Variants in ARFGAP1 observed in about 807,000 individuals in gnomAD.
ARFGAP1 encodes ADP-ribosylation factor GTPase-activating protein 1.
ARFGAP1 carries 26 observed loss-of-function variants against 54.0 expected under a neutral mutation model. The ratio of observed to expected loss-of-function variants is 0.48; its 90% CI spans 0.35 to 0.67. The LOEUF (loss-of-function observed/expected upper bound fraction) is 0.67. Ranked by LOEUF, ARFGAP1 falls within the 30% of genes least tolerant of loss-of-function variation. The pLI is 0.00. For missense variants in ARFGAP1, 525 were observed against 535.8 expected (o/e 0.98, Z 0.20); for synonymous variants, 248 against 211.9 (o/e 1.17, Z -1.48).
intron 9 of ARFGAP1, chr20:63,283,130 G>A (rs950777045): frequency 1.5e-5 from 8 of 519,886 alleles, no homozygotes; most frequent in African/African-American, 1.5e-4. Flanking sequence ...CACCTTGTTG[G>A]GAGCAGGACT....
At chr20:63,283,819 C>T (rs1455984196) in intron 9 of ARFGAP1, 6 of 1,613,314 alleles carry the variant, frequency 3.7e-6, no homozygotes, top group Non-Finnish European at 4.2e-6. Context: ...ACCTTGCTCT[C>T]TCCTCACCTG....
At chr20:63,284,348 A>G in intron 9 of ARFGAP1, 2 of 1,070,404 alleles carry the variant, frequency 1.9e-6, no homozygotes, top group Non-Finnish European at 2.3e-6. Flanking sequence ...AGGAGGCCTC[A>G]CACCACATCC....
chr20:63,283,896 G>C (rs751557312), intron 9 of ARFGAP1: 1 of 1,613,128 alleles, frequency 6.2e-7, no homozygotes, highest in Admixed American at 1.7e-5. Flanking sequence ...GCCCGTGTCT[G>C]CTCGTGCATG....
At chr20:63,279,133 T>A (rs757392439) in intron 7 of ARFGAP1, 138 bp downstream of exon 7, 155 of 855,042 alleles carry the variant, frequency 1.8e-4, no homozygotes, top group Admixed American at 4.3e-4. Context: ...TCCCTTACCT[T>A]CAGCGACGTT....
rs1601373084 is a variant in ARFGAP1, at chr20:63,286,546, G to A, written c.911+104G>A. ...GCTGGCATCCTTGCTGGGGAGGGAA[G>A]GGGCACTGTGGAGGCTCTCCGGGAG... On this transcript the variant is annotated intron_variant, in intron 12 of 12. Transcript: ENST00000370283. 3 of 1,173,366 alleles carry A rather than the reference G, an allele frequency of 2.6e-6. No homozygotes were observed. The East Asian group carries it at 7.7e-5, about 30-fold the overall frequency. The allele number at this position is 1,173,366 out of a possible 1,614,324, so 72.7% of individuals were successfully genotyped here. A position where few individuals can be genotyped will look rare whatever the true frequency, so the allele number is the denominator to read the frequency against.
In ARFGAP1 at chr20:63,276,339, T is replaced by C; in HGVS notation, c.170+139T>C. On this transcript the variant is annotated intron_variant, in intron 3 of 12. Coordinates refer to ENST00000370283, the MANE Select transcript of ARFGAP1 (RefSeq NM_018209.4). The surrounding 1 kb of genome is among the most constrained non-coding windows in gnomAD (Gnocchi z 5.2). The stretch of plus-strand genomic sequence containing the variant: ...GCCAGTGTCCACTCTAGTGACGCCA[T>C]GGCACAGAGTTCCAGCTGCTGGCCA... The C allele has an allele frequency of 7.3e-7, 1 of 1,368,062 alleles. No homozygotes were observed. Among genetic ancestry groups the C allele is most frequent in the Non-Finnish European group, 1.0e-6 (1 of 984,844 alleles). 84.7% of individuals were successfully genotyped at this position (1,368,062 alleles called of 1,614,324 possible).
chr20:63,277,389 T>A, intron 5 of ARFGAP1, 84 bp downstream of exon 5: 1 of 1,207,402 alleles, frequency 8.3e-7, no homozygotes, highest in Non-Finnish European at 1.1e-6. Flanking sequence ...ATTCTCCCCT[T>A]CTTTGCTGTT....
At chr20:63,278,304 G>C in intron 6 of ARFGAP1, 101 bp downstream of exon 6, 1 of 1,257,648 alleles carries the variant, frequency 8.0e-7, no homozygotes, top group Non-Finnish European at 1.1e-6. Context: ...TGTGCAGTGG[G>C]TGTGGGACCC....
chr20:63,286,847 A>G (rs2067568003), intron 12 of ARFGAP1: 1 of 211,930 alleles, frequency 4.7e-6, no homozygotes, highest in Non-Finnish European at 9.6e-6. Context: ...CTCTGGGTGG[A>G]TGGAGCAGGT....
intron 8 of ARFGAP1, among the ~76,000 whole-genome samples, chr20:63,282,097 C>T (rs186873676): frequency 9.2e-5 from 14 of 151,624 alleles, no homozygotes; most frequent in Non-Finnish European, 1.3e-4. Context: ...TGTCTTCCCC[C>T]GTCACAGCGC....
At chr20:63,286,130 G>T in intron 11 of ARFGAP1, 1 of 1,550,234 alleles carries the variant, frequency 6.5e-7, no homozygotes, top group Non-Finnish European at 8.7e-7. Flanking sequence ...TGTGGTGGGA[G>T]CTCTTGAGGT....
rs2067610221 is a variant in ARFGAP1 at position 63,287,990 on chromosome 20, C to T, written c.*117C>T. 11 of 1,232,162 alleles carry T rather than the reference C, an allele frequency of 8.9e-6. No individual in the cohort carries two copies. Among genetic ancestry groups the T allele is most frequent in the Admixed American group, 5.6e-5 (2 of 35,784 alleles). 76.3% of individuals were successfully genotyped at this position (1,232,162 alleles called of 1,614,324 possible). A position where few individuals can be genotyped will look rare whatever the true frequency, so the allele number is the denominator to read the frequency against. ...ATCAGCAACTGCAGTGTGAGGACAG[C>T]GTCTCGGGAGGCAGGACCCTAGGGA... On this transcript the variant is annotated 3_prime_UTR_variant, in exon 13 of 13. Transcript: ENST00000370283.
Position 63,279,896 on chromosome 20 carries a change from T to C in ARFGAP1, c.627+901T>C, listed in dbSNP as rs376767513. On this transcript the variant is annotated intron_variant, in intron 7 of 12. Transcript: ENST00000370283. ...GCTCACGCCTGTAATCCCAGCACTT[T>C]GGGAGGCCAAGGCGGGCGGATCACC... 2.8e-4 allele frequency among the ~76,000 whole-genome samples: 42 copies of C among 152,312 alleles called. No homozygotes were observed. The South Asian group carries it at 8.5e-3, about 31-fold the overall frequency.
chr20:63,279,355 A>G lies in ARFGAP1; in HGVS notation c.627+360A>G, dbSNP rs768327906. 1.2e-4 allele frequency: 44 copies of G among 381,050 alleles called. 1 individual carries two copies. The highest frequency in any genetic ancestry group is 3.0e-5 in the Non-Finnish European group (6 of 198,152). The allele number at this position is 381,050 out of a possible 1,614,324, so 23.6% of individuals were successfully genotyped here. On this transcript the variant is annotated intron_variant, in intron 7 of 12. Transcript: ENST00000370283. ...TGAGTAGCTGGGATTATAGGCACCT[A>G]CTATCACGTCAGGCTAATTTTTGTA...
At chr20:63,278,740 A>C (rs1171944026) in intron 6 of ARFGAP1, among the ~76,000 whole-genome samples, 159 bp from the exon 7 acceptor site, 3 of 152,172 alleles carry the variant, frequency 2.0e-5, no homozygotes, top group Non-Finnish European at 2.9e-5. Context: ...CAGAAAGCAC[A>C]TCTCTCTGCT....
intron 1 of ARFGAP1, chr20:63,274,134 A>C (rs1361298912): frequency 6.6e-6 from 1 of 152,236 alleles, no homozygotes; most frequent in Non-Finnish European, 1.5e-5. Context: ...ACACTCTTAC[A>C]GAAGGCACAG....
chr20:63,286,211 CTG>C (rs1210338696), intron 11 of ARFGAP1, 153 bp from the exon 12 acceptor site: 2 of 1,549,564 alleles, frequency 1.3e-6, no homozygotes, highest in Non-Finnish European at 1.7e-6. Context: ...GCCGGGGCGT[CTG>C]TGTCTGTACG....
chr20:63,286,059 A>G (rs2123313012), intron 11 of ARFGAP1: 4 of 1,549,734 alleles, frequency 2.6e-6, no homozygotes, highest in Middle Eastern at 1.7e-4. Flanking sequence ...GTTTCCTGGC[A>G]TGAGGCGCTC....
chr20:63,284,089 G>A, intron 9 of ARFGAP1: 1 of 1,357,960 alleles, frequency 7.4e-7, no homozygotes, highest in Non-Finnish European at 9.5e-7. Context: ...CCCCTGCGCA[G>A]TACCACTGCG....
Sources: allele counts gnomAD v4.1 joint callset (sites outside exome capture counted in the v4.1 genomes callset), GRCh38; gene constraint gnomAD v4.1.1; non-coding constraint Gnocchi (gnomAD v3.1); transcripts MANE v1.5; gene names NCBI Gene and HGNC (gene_info 2026-07-23, HGNC 2026-07-21).